The following OTOG variants were observed in gnomAD, a reference collection of about 807,000 sequenced individuals.
OTOG encodes the protein otogelin.
Under a neutral mutation model 313.8 loss-of-function variants are expected in OTOG, and 296 were observed. That is an observed-to-expected ratio of 0.94 (90% CI 0.86 to 1.04). The LOEUF is 1.04. OTOG is among the 50% of genes least tolerant of loss of function. OTOG has a pLI of 0.00. For missense variants in OTOG, 3,948 were observed against 3,840.1 expected, an observed-to-expected ratio of 1.03 and a Z score of -0.74; for synonymous variants, 1,533 against 1,554.9, an observed-to-expected ratio of 0.99 and a Z score of 0.33.
rs1565119230 is a variant in OTOG, at chr11:17,613,378, T to TTCCTTCCTTCCTTCCTTCCC, written c.6439-215_6439-214insCTCCTTCCTTCCTTCCTTCC. ...CTTCCTTCCTTCCTTCCTTCCCTCC[T>TTCCTTCCTTCCTTCCTTCCC]TCCTTCCTTCCTTCCTTCCTTTTTT... On this transcript the variant is annotated intron_variant, in intron 38 of 55. Coordinates refer to ENST00000399397, the MANE Select transcript of OTOG (RefSeq NM_001292063.2). Among the ~76,000 whole-genome samples, 276 of 133,170 alleles carry TTCCTTCCTTCCTTCCTTCCC rather than the reference T, an allele frequency of 2.1e-3. 12 individuals carry two copies. The highest frequency in any genetic ancestry group is 7.3e-3 in the African/African-American group (251 of 34,576). The allele number at this position is 133,170 out of a possible 152,430, so 87.4% of individuals were successfully genotyped here.
chr11:17,581,712 C>G (rs1033359926), intron 23 of OTOG, among the ~76,000 whole-genome samples: 3 of 152,176 alleles, frequency 2.0e-5, no homozygotes, highest in African/African-American at 7.2e-5. Context: ...AACCCACACT[C>G]CTGTGAAGAT....
Position 17,609,735 on chromosome 11 carries a change from A to G in OTOG, c.4435A>G (p.Ser1479Gly). The change falls in exon 36 of 56, where the codon AGT becomes GGT. Residue 1479 changes from serine to glycine, a missense_variant. Coordinates refer to ENST00000399397, the MANE Select transcript of OTOG (RefSeq NM_001292063.2). ...LPPSQGLPTP[S>G]DEEPQLSQES... ...TCCCAGTCAAGGGTTGCCCACTCCC[A>G]GTGATGAGGAGCCACAGCTGTCACA... 6.5e-7 allele frequency: 1 copy of G among 1,546,970 alleles called. No homozygotes were observed. The highest frequency in any genetic ancestry group is 2.0e-5 in the Admixed American group (1 of 50,644).
At chr11:17,553,301 C>T (rs1565088243) in intron 5 of OTOG, 64 bp from the exon 6 acceptor site, 1 of 1,501,502 alleles carries the variant, frequency 6.7e-7, no homozygotes, top group Non-Finnish European at 8.9e-7. Context: ...GGGCTGGAAC[C>T]CACCAGCCTC....
chr11:17,569,315 T>G (rs1490942423), intron 16 of OTOG, 27 bp downstream of exon 16: 2 of 1,549,874 alleles, frequency 1.3e-6, no homozygotes, highest in East Asian at 4.9e-5. Context: ...ACAACAGACC[T>G]AGTTGGGAAC....
chr11:17,622,303 CA>C (rs1226364367), intron 39 of OTOG, among the ~76,000 whole-genome samples: 1 of 152,128 alleles, frequency 6.6e-6, no homozygotes, highest in Non-Finnish European at 1.5e-5. Flanking sequence ...CACAGGCATT[CA>C]ATGTGTAATA....
At chr11:17,645,199 T>C (rs1348275788) in intron 54 of OTOG, among the ~76,000 whole-genome samples, 1 of 152,168 alleles carries the variant, frequency 6.6e-6, no homozygotes, top group Non-Finnish European at 1.5e-5. Flanking sequence ...AAACTGAAGC[T>C]CAGAGAGGGG....
At chr11:17,574,496 A>C (rs1225521867) in intron 19 of OTOG, among the ~76,000 whole-genome samples, 1 of 152,152 alleles carries the variant, frequency 6.6e-6, no homozygotes, top group Non-Finnish European at 1.5e-5. Flanking sequence ...ACTTGGTAGA[A>C]GGACCCACCT....
rs146487092 is a variant in OTOG, at chr11:17,580,023, T to C, written c.2759+1497T>C. Among the ~76,000 whole-genome samples the C allele has an allele frequency of 3.9e-5, 6 of 152,338 alleles. No individual in the cohort carries two copies. The East Asian group carries it at 9.6e-4, about 24-fold the overall frequency. ...ATCCTGGAACATCCTCTTGCTGGGA[T>C]AGGGCTCCCAAAGATGCCCAACCAT... On this transcript the variant is annotated intron_variant, in intron 23 of 55. Transcript: ENST00000399397.
At chr11:17,595,356 G>T (rs1350752719) in intron 28 of OTOG, among the ~76,000 whole-genome samples, 2 of 152,206 alleles carry the variant, frequency 1.3e-5, no homozygotes, top group Non-Finnish European at 2.9e-5. Context: ...GTAGTCTAAG[G>T]AAGGAGATTC....
intron 40 of OTOG, 124 bp from the exon 41 acceptor site, chr11:17,631,578 C>G (rs1418569905): frequency 2.1e-5 from 17 of 791,278 alleles, no homozygotes; most frequent in African/African-American, 7.0e-5. Flanking sequence ...TTTCCCTCAC[C>G]TATAAAATGG....
At chr11:17,556,247 G>C (rs1269081002) in intron 7 of OTOG, among the ~76,000 whole-genome samples, 2 of 152,154 alleles carry the variant, frequency 1.3e-5, no homozygotes, top group Non-Finnish European at 2.9e-5. Flanking sequence ...CCTCCTCTCA[G>C]CAGATTCGGA....
Position 17,632,070 on chromosome 11 carries a change from C to T in OTOG, c.6934-18C>T. 1 of 1,549,984 alleles carries T rather than the reference C, an allele frequency of 6.5e-7. No individual in the cohort carries two copies. Among genetic ancestry groups the T allele is most frequent in the Non-Finnish European group, 8.7e-7 (1 of 1,146,344 alleles). Reference sequence around the variant, plus strand: ...TGTGCCATCCGAGTAACCAGCACTGCCTGATGCATATGTCCAGGTGCCTCC... The same window carrying T: ...TGTGCCATCCGAGTAACCAGCACTGTCTGATGCATATGTCCAGGTGCCTCC... On this transcript the variant is annotated intron_variant, in intron 41 of 55. Coordinates refer to ENST00000399397, the MANE Select transcript of OTOG (RefSeq NM_001292063.2).
rs538893762 is a variant in OTOG, at chr11:17,634,532, C to A, written c.7480+251C>A. ...CCACCTGTAGCCTTGTGGCCTCGGGCAAATTATTTCACATCCTCTGTGCCT... is the reference window on the plus strand; with the variant it reads ...CCACCTGTAGCCTTGTGGCCTCGGGAAAATTATTTCACATCCTCTGTGCCT... On this transcript the variant is annotated intron_variant, in intron 44 of 55. Coordinates refer to ENST00000399397, the MANE Select transcript of OTOG (RefSeq NM_001292063.2). Among the ~76,000 whole-genome samples, 5 of 152,172 alleles carry A rather than the reference C, an allele frequency of 3.3e-5. No individual in the cohort carries two copies. In the East Asian group the frequency reaches 9.7e-4, roughly 29 times the overall value.
intron 24 of OTOG, among the ~76,000 whole-genome samples, chr11:17,590,110 G>T (rs1311224655): frequency 1.3e-5 from 2 of 152,016 alleles, no homozygotes; most frequent in Non-Finnish European, 2.9e-5. Context: ...TGGCTACAAG[G>T]CCCATCCATA....
intron 24 of OTOG, 82 bp downstream of exon 24, chr11:17,586,663 G>A (rs192626324): frequency 1.2e-5 from 8 of 641,720 alleles, no homozygotes; most frequent in African/African-American, 1.1e-4. Context: ...GTATAGTCTA[G>A]CATTCCCATT....
rs35706066 is a variant in OTOG, at chr11:17,631,426, C to CATAT, written c.6713-265_6713-262dup. Reference sequence around the variant, plus strand: ...TACATTTTTATATGCACATGCAATACATATATATATATATGCATTTTTCGG... The same window carrying CATAT: ...TACATTTTTATATGCACATGCAATACATATATATATATATATATGCATTTTTCGG... On this transcript the variant is annotated intron_variant, in intron 40 of 55. Coordinates refer to ENST00000399397, the MANE Select transcript of OTOG (RefSeq NM_001292063.2). 2.2e-3 allele frequency among the ~76,000 whole-genome samples: 327 copies of CATAT among 149,196 alleles called. 2 individuals carry two copies. The highest frequency in any genetic ancestry group is 7.5e-3 in the African/African-American group (301 of 40,278).
rs956735081 is a variant in OTOG at position 17,559,135 on chromosome 11, G to A, written c.1187G>A (p.Gly396Asp). 6.5e-7 allele frequency: 1 copy of A among 1,540,806 alleles called. No individual in the cohort carries two copies. The highest frequency in any genetic ancestry group is 2.0e-5 in the Admixed American group (1 of 50,988). The change falls in exon 11 of 56, where the codon GGC (glycine) becomes GAC (aspartate). Residue 396 changes from glycine (G) to aspartate (D), a missense_variant. Physicochemically the swap from Gly to Asp is moderately conservative, Grantham distance 94. Coordinates refer to ENST00000399397, the MANE Select transcript of OTOG (RefSeq NM_001292063.2). ...GCCCAGGCAGGGCGGCCCTTGCAAG[G>A]CTGGAGGACCCAGCTCCGGCAATGC... ...ACAQAGRPLQ[G>D]WRTQLRQCTV...
chr11:17,556,450 C>G (rs750637925), intron 7 of OTOG, among the ~76,000 whole-genome samples: 74 of 152,314 alleles, frequency 4.9e-4, no homozygotes, highest in Non-Finnish European at 8.5e-4. Context: ...TTGCTGTCCA[C>G]TGTCACTTCT....
intron 44 of OTOG, 99 bp from the exon 45 acceptor site, chr11:17,634,745 C>T: frequency 1.0e-6 from 1 of 993,432 alleles, no homozygotes; most frequent in Non-Finnish European, 1.5e-6. Flanking sequence ...GGAGTGGGGC[C>T]AGGCGTCCAG....
Sources: gnomAD v4.1 joint callset for allele counts (sites outside exome capture counted in the v4.1 genomes callset) on GRCh38, gnomAD v4.1.1 for gene constraint, MANE v1.5 for transcripts, NCBI Gene and HGNC (gene_info 2026-07-23, HGNC 2026-07-21) for gene names.